ADCYAP1R1: variants seen among roughly 807,000 people sequenced by gnomAD.
ADCYAP1R1 encodes ADCYAP receptor type I, also known as pituitary adenylate cyclase-activating polypeptide type I receptor.
ADCYAP1R1 carries 44 observed loss-of-function variants against 67.6 expected under a neutral mutation model. The ratio of observed to expected loss-of-function variants is 0.65; its 90% CI spans 0.51 to 0.84. The LOEUF (loss-of-function observed/expected upper bound fraction) is 0.84, where lower values mean the gene tolerates loss of function less well. ADCYAP1R1 is among the 40% of genes least tolerant of loss of function. ADCYAP1R1 has a pLI of 0.00. For synonymous variants in ADCYAP1R1, 222 were observed against 219.6 expected, an observed-to-expected ratio of 1.01 and a Z score of -0.10; for missense variants, 477 against 587.9, an observed-to-expected ratio of 0.81 and a Z score of 1.95.
At chr7:31,098,373 A>G (rs1239989047) in intron 13 of ADCYAP1R1, among the ~76,000 whole-genome samples, 1 of 152,232 alleles carries the variant, frequency 6.6e-6, no homozygotes, top group Non-Finnish European at 1.5e-5. Context: ...AGGAATCATG[A>G]AGAAACTTCT....
chr7:31,104,765 T>C (rs903876126), intron 14 of ADCYAP1R1, 103 bp from the exon 15 acceptor site: 15 of 1,316,196 alleles, frequency 1.1e-5, no homozygotes, highest in African/African-American at 4.4e-5. Context: ...CCCATCCAGG[T>C]CATGGTGTAT....
intron 1 of ADCYAP1R1, among the ~76,000 whole-genome samples, chr7:31,056,308 G>A (rs1411825529): frequency 1.3e-5 from 2 of 152,074 alleles, no homozygotes; most frequent in African/African-American, 2.4e-5. Context: ...CCAGCTCTCC[G>A]CAGACTCCAT....
intron 6 of ADCYAP1R1, among the ~76,000 whole-genome samples, chr7:31,083,447 C>T (rs1333102473): frequency 6.6e-6 from 1 of 152,220 alleles, no homozygotes; most frequent in Non-Finnish European, 1.5e-5. Context: ...GCCTTAAAGT[C>T]AACCAAAAGC....
At position 31,064,498 on chromosome 7, in the gene ADCYAP1R1, T is replaced by TAC. The variant is rs747079912; in HGVS notation, c.52-321_52-320dup. ...TACTTCATAGTACTCTCCAGATCCA[T>TAC]ACACACACACACATATGACACTCAG... On this transcript the variant is annotated intron_variant, in intron 2 of 15. Coordinates refer to ENST00000304166, the MANE Select transcript of ADCYAP1R1 (RefSeq NM_001118.5). Among the ~76,000 whole-genome samples, 82 of 152,078 alleles carry TAC rather than the reference T, an allele frequency of 5.4e-4. No homozygotes were observed. In the Middle Eastern group the frequency reaches 0.014, roughly 25 times the overall value.
chr7:31,106,416 A>G, intron 15 of ADCYAP1R1, 80 bp from the exon 16 acceptor site: 1 of 1,480,836 alleles, frequency 6.8e-7, no homozygotes, highest in Admixed American at 2.3e-5. Context: ...CCAGCCTGGG[A>G]AGGGCCCCAG....
chr7:31,082,906 A>C (rs944163052), intron 6 of ADCYAP1R1, among the ~76,000 whole-genome samples: 6 of 152,248 alleles, frequency 3.9e-5, no homozygotes, highest in African/African-American at 1.2e-4. Flanking sequence ...AACTGGCCTT[A>C]GATCTTCTAA....
At chr7:31,084,457 C>T (rs1258994706) in intron 7 of ADCYAP1R1, among the ~76,000 whole-genome samples, 2 of 152,198 alleles carry the variant, frequency 1.3e-5, no homozygotes, top group Admixed American at 6.5e-5. Flanking sequence ...GCTTCCTGGA[C>T]CTTTGTGTAG....
chr7:31,054,948 A>C (rs1324684074), intron 1 of ADCYAP1R1, among the ~76,000 whole-genome samples: 1 of 152,338 alleles, frequency 6.6e-6, no homozygotes, highest in East Asian at 1.9e-4. Flanking sequence ...TTCCCTGAGG[A>C]GAGGAATCTG....
At chr7:31,055,359 G>GCA (rs1491090911) in intron 1 of ADCYAP1R1, among the ~76,000 whole-genome samples, 1 of 150,494 alleles carries the variant, frequency 6.6e-6, no homozygotes, top group East Asian at 1.9e-4. Context: ...GTGTGTGTGT[G>GCA]CACGCGCGTG....
At chr7:31,064,802 C>A in intron 2 of ADCYAP1R1, 29 bp from the exon 3 acceptor site, 2 of 1,577,624 alleles carry the variant, frequency 1.3e-6, no homozygotes, top group Non-Finnish European at 1.7e-6. Flanking sequence ...CCTACCCGCT[C>A]CCACCATCCA....
At chr7:31,094,303 G>A (rs1269252975) in intron 13 of ADCYAP1R1, among the ~76,000 whole-genome samples, 1 of 152,084 alleles carries the variant, frequency 6.6e-6, no homozygotes, top group Non-Finnish European at 1.5e-5. Flanking sequence ...ACCTGCCCTA[G>A]AGATAGCATT....
At chr7:31,073,797 A>T (rs999418973) in intron 3 of ADCYAP1R1, among the ~76,000 whole-genome samples, 2 of 152,162 alleles carry the variant, frequency 1.3e-5, no homozygotes, top group Non-Finnish European at 2.9e-5. Context: ...AGAGGGCTGG[A>T]TGGAGGCCTT....
chr7:31,064,357 C>A (rs1346965540), intron 2 of ADCYAP1R1, among the ~76,000 whole-genome samples: 2 of 152,208 alleles, frequency 1.3e-5, no homozygotes, highest in Non-Finnish European at 2.9e-5. Context: ...AGAGTCAGGC[C>A]TCCTGGGTTC....
chr7:31,087,077 G>C, intron 11 of ADCYAP1R1, 74 bp downstream of exon 11: 1 of 1,520,838 alleles, frequency 6.6e-7, no homozygotes, highest in Non-Finnish European at 9.1e-7. Context: ...TAGCTGCCCT[G>C]ACTTCACATG....
At chr7:31,081,642 A>G in intron 5 of ADCYAP1R1, 71 bp from the exon 6 acceptor site, 2 of 1,314,624 alleles carry the variant, frequency 1.5e-6, no homozygotes, top group Non-Finnish European at 2.1e-6. Flanking sequence ...TGAGCCTTCC[A>G]GGGTGGAGAG....
At chr7:31,103,156 G>A (rs1393223696) in intron 13 of ADCYAP1R1, 81 bp from the exon 14 acceptor site, 9 of 1,558,544 alleles carry the variant, frequency 5.8e-6, no homozygotes, top group Non-Finnish European at 7.0e-6. Flanking sequence ...TAAGGGACTG[G>A]GGCTGAGTTC....
chr7:31,069,031 C>G (rs56407867), intron 3 of ADCYAP1R1, among the ~76,000 whole-genome samples: 5 of 152,032 alleles, frequency 3.3e-5, no homozygotes, highest in Non-Finnish European at 5.9e-5. Context: ...GTGCTGATGT[C>G]GAGGCCCCTC....
At chr7:31,064,653 C>G (rs1246534600) in intron 2 of ADCYAP1R1, among the ~76,000 whole-genome samples, 178 bp from the exon 3 acceptor site, 5 of 152,100 alleles carry the variant, frequency 3.3e-5, no homozygotes, top group East Asian at 1.9e-4. Flanking sequence ...GAGAAGAGCC[C>G]TTATGGTGTC....
rs1584555679 is a variant in ADCYAP1R1 at position 31,106,572 on chromosome 7, A to C, written c.1295A>C (p.His432Pro). The C allele has an allele frequency of 6.2e-7, 1 of 1,614,070 alleles. No individual in the cohort carries two copies. The highest frequency in any genetic ancestry group is 8.5e-7 in the Non-Finnish European group (1 of 1,179,944). The change falls in exon 16 of 16, where the codon CAC (histidine) becomes CCC (proline). Residue 432 changes from histidine (H) to proline (P), a missense_variant. His to Pro is a moderately conservative substitution (Grantham distance 77). Coordinates refer to ENST00000304166, the MANE Select transcript of ADCYAP1R1 (RefSeq NM_001118.5). ...TTCGCTGTGGACTTCAAGCACCGAC[A>C]CCCGTCTCTGGCCAGCAGTGGGGTG... is the stretch of plus-strand genomic sequence containing the variant. Reference protein sequence around the residue: ...RYFAVDFKHRHPSLASSGVNG... With the variant: ...RYFAVDFKHRPPSLASSGVNG...
Sources: gnomAD v4.1 joint callset for allele counts (sites outside exome capture counted in the v4.1 genomes callset) on GRCh38, gnomAD v4.1.1 for gene constraint, MANE v1.5 for transcripts, NCBI Gene and HGNC (gene_info 2026-07-23, HGNC 2026-07-21) for gene names.